Variants in ROBO1 observed in about 807,000 individuals in gnomAD.
ROBO1 encodes the protein roundabout homolog 1.
A neutral mutation model predicts 195.9 loss-of-function variants in ROBO1; 149 were observed. The ratio of observed to expected loss-of-function variants is 0.76; its 90% CI spans 0.67 to 0.87. The LOEUF is 0.87. ROBO1 is among the 40% of genes least tolerant of loss of function. The probability of loss-of-function intolerance (pLI) is 0.00; values close to 1 mark genes in which losing one functional copy is unlikely to be tolerated. For synonymous variants in ROBO1, 816 were observed against 733.2 expected (o/e 1.11, Z -1.82); for missense variants, 1,933 against 2,068.3 (o/e 0.93, Z 1.27).
chr3:78,985,244 G>A (rs917515211), intron 3 of ROBO1, among the ~76,000 whole-genome samples: 2 of 152,102 alleles, frequency 1.3e-5, no homozygotes, highest in African/African-American at 4.8e-5. Context: ...AGGCTGCAAT[G>A]AGCAGTGATT....
In ROBO1 at chr3:78,621,162, A is replaced by T. The variant is rs188171285; in HGVS notation, c.3876-3121T>A. The stretch of plus-strand genomic sequence containing the variant: ...TGAAAAATGTGCCAAAGCTGAAGTT[A>T]TTTAAGAGATTAAAATAGATAATTG... On this transcript the variant is annotated intron_variant, in intron 26 of 30. Coordinates refer to ENST00000464233, the MANE Select transcript of ROBO1 (RefSeq NM_002941.4). 4.0e-3 allele frequency among the ~76,000 whole-genome samples: 608 copies of T among 152,236 alleles called. 2 individuals are homozygous for T. Among genetic ancestry groups the T allele is most frequent in the South Asian group, 0.039 (190 of 4,828 alleles).
chr3:78,866,539 TAATAAAATAAAGAA>T (rs2035193471), intron 4 of ROBO1, among the ~76,000 whole-genome samples: 1 of 152,188 alleles, frequency 6.6e-6, no homozygotes, highest in Non-Finnish European at 1.5e-5. Flanking sequence ...GTTTAAAAAA[TAATAAAATAAAGAA>T]GCTAATATTA....
intron 4 of ROBO1, among the ~76,000 whole-genome samples, chr3:78,762,730 T>C (rs182923413): frequency 2.4e-4 from 36 of 152,210 alleles, no homozygotes; most frequent in African/African-American, 8.2e-4. Flanking sequence ...TTAATTTTTA[T>C]AATTGAAATA....
intron 2 of ROBO1, among the ~76,000 whole-genome samples, chr3:79,586,764 G>A (rs563541843): frequency 2.4e-4 from 37 of 151,480 alleles, no homozygotes; most frequent in Admixed American, 1.5e-3. Flanking sequence ...CCTTACATCC[G>A]TGGCAATAAA....
chr3:79,675,101 A>G (rs1239216999), intron 1 of ROBO1, among the ~76,000 whole-genome samples: 3 of 151,964 alleles, frequency 2.0e-5, no homozygotes, highest in Admixed American at 2.0e-4. Flanking sequence ...AATGATATCA[A>G]GCTTGAGCCA....
intron 2 of ROBO1, among the ~76,000 whole-genome samples, chr3:79,463,496 C>G (rs1937773481): frequency 1.3e-5 from 2 of 151,394 alleles, no homozygotes; most frequent in Non-Finnish European, 2.9e-5. Flanking sequence ...GAAATGTAGA[C>G]AGTCAGTTAA....
intron 2 of ROBO1, among the ~76,000 whole-genome samples, chr3:79,149,512 G>GTTT (rs956606037): frequency 1.4e-4 from 18 of 125,980 alleles, no homozygotes; most frequent in Non-Finnish European, 3.1e-4. Flanking sequence ...TTCGAACTGT[G>GTTT]TTTGTTGTTG....
At chr3:79,098,245 T>C (rs1478928968) in intron 3 of ROBO1, among the ~76,000 whole-genome samples, 1 of 151,874 alleles carries the variant, frequency 6.6e-6, no homozygotes, top group African/African-American at 2.4e-5. Flanking sequence ...TACTTTTCTT[T>C]GTCCTTATGT....
chr3:79,593,382 G>C (rs1171068635), intron 1 of ROBO1, among the ~76,000 whole-genome samples: 1 of 152,002 alleles, frequency 6.6e-6, no homozygotes, highest in African/African-American at 2.4e-5. Context: ...CTAGTAATGG[G>C]TAAGATTTCC....
intron 2 of ROBO1, among the ~76,000 whole-genome samples, chr3:79,256,204 T>G (rs1433255888): frequency 2.0e-5 from 3 of 152,212 alleles, no homozygotes; most frequent in Non-Finnish European, 4.4e-5. Context: ...GATTTTCTTT[T>G]GGAAGTCTGT....
chr3:79,699,328 G>A (rs9873237), intron 1 of ROBO1, among the ~76,000 whole-genome samples: 5 of 151,132 alleles, frequency 3.3e-5, no homozygotes, highest in Admixed American at 2.7e-4. Context: ...CACAGGGAGC[G>A]CCCCCTACAT....
intron 1 of ROBO1, among the ~76,000 whole-genome samples, chr3:79,631,797 C>A (rs555021367): frequency 6.6e-6 from 1 of 151,740 alleles, no homozygotes; most frequent in Non-Finnish European, 1.5e-5. Flanking sequence ...ACAAGTAAAC[C>A]CATTAAAAAG....
At chr3:79,043,268 A>T (rs2078522031) in intron 3 of ROBO1, among the ~76,000 whole-genome samples, 1 of 152,160 alleles carries the variant, frequency 6.6e-6, no homozygotes, top group Non-Finnish European at 1.5e-5. Flanking sequence ...AAGTCAATTT[A>T]ACACCAAATC....
chr3:79,214,971 A>G (rs1408871311), intron 2 of ROBO1, among the ~76,000 whole-genome samples: 1 of 151,956 alleles, frequency 6.6e-6, no homozygotes, highest in African/African-American at 2.4e-5. Flanking sequence ...TCAACTCATC[A>G]TGTTCAAAAC....
chr3:79,083,156 G>A (rs183468797), intron 3 of ROBO1, among the ~76,000 whole-genome samples: 3 of 152,126 alleles, frequency 2.0e-5, no homozygotes, highest in African/African-American at 7.2e-5. Flanking sequence ...AGACCATGCC[G>A]CTGCACTTCA....
chr3:78,839,230 TAA>T (rs1283980012), intron 4 of ROBO1, among the ~76,000 whole-genome samples: 7 of 152,116 alleles, frequency 4.6e-5, no homozygotes, highest in South Asian at 2.1e-4. Context: ...CACCTGATCC[TAA>T]GTTATTTTTT....
chr3:79,681,852 A>G (rs1377525243), intron 1 of ROBO1, among the ~76,000 whole-genome samples: 1 of 152,062 alleles, frequency 6.6e-6, no homozygotes. Flanking sequence ...ATAGTTCATC[A>G]GAAACAGTAC....
chr3:78,943,502 C>T (rs116174334), intron 3 of ROBO1, among the ~76,000 whole-genome samples: 187 of 152,226 alleles, frequency 1.2e-3, no homozygotes, highest in African/African-American at 3.8e-3. Context: ...TATTATTAAA[C>T]GCTAAATTTC....
At chr3:78,818,788 G>A (rs1048609883) in intron 4 of ROBO1, among the ~76,000 whole-genome samples, 2 of 152,172 alleles carry the variant, frequency 1.3e-5, no homozygotes, top group Non-Finnish European at 2.9e-5. Context: ...CTTTTCTATT[G>A]AGCTTCCAGC....
Sources: gnomAD v4.1 joint callset for allele counts (sites outside exome capture counted in the v4.1 genomes callset) on GRCh38, gnomAD v4.1.1 for gene constraint, MANE v1.5 for transcripts, NCBI Gene and HGNC (gene_info 2026-07-23, HGNC 2026-07-21) for gene names.